The following NDC1 variants were observed in gnomAD, a reference collection of about 807,000 sequenced individuals.
The protein encoded by NDC1 is nucleoporin NDC1.
Under a neutral mutation model 89.8 loss-of-function variants are expected in NDC1, and 24 were observed. That is an observed-to-expected ratio of 0.27 (90% CI 0.19 to 0.38). The LOEUF is 0.38. Among genes scored for constraint, NDC1 ranks in the 10% least tolerant of loss-of-function variants. The pLI, the probability that NDC1 is intolerant of heterozygous loss-of-function variation, is 1.00. For synonymous variants in NDC1, 296 were observed against 284.8 expected (o/e 1.04, Z -0.39); for missense variants, 728 against 797.6 (o/e 0.91, Z 1.05).
intron 15 of NDC1, among the ~76,000 whole-genome samples, chr1:53,787,866 TAAA>T (rs10714462): frequency 8.9e-5 from 12 of 134,984 alleles, no homozygotes; most frequent in African/African-American, 1.4e-4. Flanking sequence ...GCCAGGAAAT[TAAA>T]AAAAAAAAAA....
chr1:53,803,729 G>A (rs532073290), intron 10 of NDC1, among the ~76,000 whole-genome samples, 199 bp downstream of exon 10: 8 of 152,188 alleles, frequency 5.3e-5, no homozygotes, highest in African/African-American at 1.9e-4. Context: ...CCGCCACCAC[G>A]CCCGGCTAAT....
In NDC1 at chr1:53,800,792, C is replaced by A; in HGVS notation, c.1123G>T (p.Gly375Cys). 1 of 1,612,960 alleles carries A rather than the reference C, an allele frequency of 6.2e-7. No homozygotes were observed. The part of the protein sequence containing the change: ...ISRECLNLLN[G>C]MTQKLILYQE... ...TAGAGAATCAGTTTCTGAGTCATAC[C>A]ATTTAAAAGATTCAAACACTCCCTT... The change falls in exon 11 of 18, where the codon GGT (glycine) becomes TGT (cysteine). Residue 375 changes from glycine to cysteine, a missense_variant. Coordinates refer to ENST00000371429, the MANE Select transcript of NDC1 (RefSeq NM_018087.5).
chr1:53,822,467 A>G (rs1377552276), intron 5 of NDC1, among the ~76,000 whole-genome samples: 5 of 152,140 alleles, frequency 3.3e-5, no homozygotes, highest in Admixed American at 1.3e-4. Flanking sequence ...GTAAATGTAC[A>G]CTAAACGGTC....
At chr1:53,813,408 ATAAACT>A (rs1483207379) in intron 6 of NDC1, among the ~76,000 whole-genome samples, 2 of 152,216 alleles carry the variant, frequency 1.3e-5, no homozygotes, top group African/African-American at 2.4e-5. Context: ...AAGGACCCAC[ATAAACT>A]TAAAGTAAAA....
chr1:53,790,046 C>G (rs1181170), intron 14 of NDC1, among the ~76,000 whole-genome samples: 1 of 150,722 alleles, frequency 6.6e-6, no homozygotes, highest in East Asian at 2.0e-4. Flanking sequence ...GAGATTGCAG[C>G]GAGCCAAGAT....
intron 2 of NDC1, among the ~76,000 whole-genome samples, chr1:53,835,041 C>T (rs751442998): frequency 1.4e-4 from 22 of 152,140 alleles, no homozygotes; most frequent in Non-Finnish European, 2.2e-4. Flanking sequence ...CAAGACTGAG[C>T]CACTGCACTC....
At chr1:53,787,473 AC>A (rs1476608260) in intron 15 of NDC1, among the ~76,000 whole-genome samples, 1 of 151,190 alleles carries the variant, frequency 6.6e-6, no homozygotes, top group Non-Finnish European at 1.5e-5. Flanking sequence ...ACATGGTGAA[AC>A]CCCCTCTCTA....
chr1:53,836,724 C>T (rs1649246436), intron 1 of NDC1, among the ~76,000 whole-genome samples: 1 of 152,034 alleles, frequency 6.6e-6, no homozygotes, highest in African/African-American at 2.4e-5. Context: ...CCCACCTCAG[C>T]CTCCCAAAGT....
At chr1:53,790,362 T>C (rs563554309) in intron 14 of NDC1, among the ~76,000 whole-genome samples, 1 of 135,120 alleles carries the variant, frequency 7.4e-6, no homozygotes, top group East Asian at 2.2e-4. Context: ...CAAAACTCTG[T>C]CTCAAAAAAA....
At chr1:53,804,774 G>C (rs1648046361) in intron 9 of NDC1, among the ~76,000 whole-genome samples, 1 of 142,280 alleles carries the variant, frequency 7.0e-6, no homozygotes, top group African/African-American at 2.4e-5. Context: ...ACCATGCCCG[G>C]CCACCCTATT....
chr1:53,832,595 A>G lies in NDC1; in HGVS notation c.179-4T>C. 6.8e-7 allele frequency: 1 copy of G among 1,473,224 alleles called. No individual in the cohort carries two copies. Among genetic ancestry groups the G allele is most frequent in the Non-Finnish European group, 9.5e-7 (1 of 1,053,400 alleles). 91.3% of individuals were successfully genotyped at this position (1,473,224 alleles called of 1,614,324 possible). A position where few individuals can be genotyped will look rare whatever the true frequency, so the allele number is the denominator to read the frequency against. On this transcript the variant is annotated splice_polypyrimidine_tract_variant and splice_region_variant and intron_variant, in intron 2 of 17. Transcript: ENST00000371429. ...CTATACAGGTCACTGAAAGAATCTA[A>G]AACACAAGAGAGATGAATTAGTAAA...
Position 53,825,460 on chromosome 1 carries a change from A to AAAAAAAAAAAAAAAAG in NDC1, c.594+337_594+338insCTTTTTTTTTTTTTTT, listed in dbSNP as rs1039370528. 6.0e-3 allele frequency among the ~76,000 whole-genome samples: 857 copies of AAAAAAAAAAAAAAAAG among 141,928 alleles called. 17 individuals are homozygous for AAAAAAAAAAAAAAAAG. The highest frequency in any genetic ancestry group is 0.011 in the Middle Eastern group (3 of 270). 93.1% of individuals were successfully genotyped at this position (141,928 alleles called of 152,430 possible). A position where few individuals can be genotyped will look rare whatever the true frequency, so the allele number is the denominator to read the frequency against. ...AAGAAGCGAGACTGTCTCCAAAAAA[A>AAAAAAAAAAAAAAAAG]AAGAAGCTACACAGAGTACTTTGCA... On this transcript the variant is annotated intron_variant, in intron 5 of 17. Coordinates refer to ENST00000371429, the MANE Select transcript of NDC1 (RefSeq NM_018087.5).
chr1:53,832,710 C>T, intron 2 of NDC1, 119 bp from the exon 3 acceptor site: 1 of 595,036 alleles, frequency 1.7e-6, no homozygotes, highest in South Asian at 2.3e-5. Flanking sequence ...GTTATCTTTT[C>T]TTCAAGAATT....
At chr1:53,799,619 C>CT (rs1009269597) in intron 11 of NDC1, among the ~76,000 whole-genome samples, 5 of 152,046 alleles carry the variant, frequency 3.3e-5, no homozygotes, top group Non-Finnish European at 5.9e-5. Flanking sequence ...TCAGGCTTCT[C>CT]TTTTTTAAAA....
intron 9 of NDC1, among the ~76,000 whole-genome samples, chr1:53,805,090 A>G (rs538194475): frequency 1.3e-5 from 2 of 152,296 alleles, no homozygotes; most frequent in African/African-American, 4.8e-5. Context: ...AATTAGTTAT[A>G]ATTAATATTT....
chr1:53,800,918 A>T (rs1647890713), intron 10 of NDC1, 70 bp from the exon 11 acceptor site: 1 of 1,430,338 alleles, frequency 7.0e-7, no homozygotes, highest in Non-Finnish European at 9.4e-7. Flanking sequence ...TGGGGGAAAA[A>T]GTCAGTAAGA....
At chr1:53,806,378 T>C (rs370736811) in intron 9 of NDC1, 47 bp downstream of exon 9, 15 of 1,260,602 alleles carry the variant, frequency 1.2e-5, no homozygotes, top group Non-Finnish European at 1.6e-5. Context: ...GTGTATTGAA[T>C]AAAGTTAGAG....
intron 4 of NDC1, 104 bp from the exon 5 acceptor site, chr1:53,826,040 A>C: frequency 2.6e-6 from 3 of 1,153,330 alleles, no homozygotes; most frequent in East Asian, 5.2e-5. Flanking sequence ...TTAATGACTT[A>C]AGAAATGTCC....
At chr1:53,797,377 C>T (rs1420268618) in intron 11 of NDC1, among the ~76,000 whole-genome samples, 2 of 139,442 alleles carry the variant, frequency 1.4e-5, no homozygotes, top group African/African-American at 2.8e-5. Flanking sequence ...CTCTCTTTTT[C>T]CCCCCCCATG....
Sources: gnomAD v4.1 joint callset for allele counts (sites outside exome capture counted in the v4.1 genomes callset) on GRCh38, gnomAD v4.1.1 for gene constraint, MANE v1.5 for transcripts, NCBI Gene and HGNC (gene_info 2026-07-23, HGNC 2026-07-21) for gene names.